SP3: variants seen among roughly 807,000 people sequenced by gnomAD.
SP3 encodes transcription factor Sp3.
In SP3, 10 loss-of-function variants were observed where a neutral mutation model predicts 70.3. That is an observed-to-expected ratio of 0.14 (90% confidence interval 0.09 to 0.24). The LOEUF (loss-of-function observed/expected upper bound fraction) is 0.24. SP3 is among the 10% of genes least tolerant of loss of function. The pLI is 1.00. For missense variants in SP3, 825 were observed against 914.6 expected, an observed-to-expected ratio of 0.90 and a Z score of 1.26; for synonymous variants, 402 against 333.5, an observed-to-expected ratio of 1.21 and a Z score of -2.24.
chr2:173,939,548 G>A (rs1222824846), intron 4 of SP3, among the ~76,000 whole-genome samples: 1 of 152,106 alleles, frequency 6.6e-6, no homozygotes, highest in African/African-American at 2.4e-5. Flanking sequence ...TAGATCACCT[G>A]AGGTCAGGAG....
Position 173,957,639 on chromosome 2 carries a change from A to C in SP3, c.280-1407T>G, listed in dbSNP as rs146061889. Among the ~76,000 whole-genome samples, 123 of 152,258 alleles carry C rather than the reference A, an allele frequency of 8.1e-4. 1 individual carries two copies. Among genetic ancestry groups the C allele is most frequent in the Non-Finnish European group, 1.5e-3 (100 of 67,970 alleles). On this transcript the variant is annotated intron_variant, in intron 3 of 6. Transcript: ENST00000310015. ...GCTTGTAAATGGCTTCACAGATCCC[A>C]CTAAATTGTTTAGACTTTATCCTGT...
intron 6 of SP3, among the ~76,000 whole-genome samples, chr2:173,911,813 CTTTTTTTTT>C (rs11448837): frequency 7.1e-5 from 7 of 98,024 alleles, no homozygotes; most frequent in South Asian, 6.5e-4. Flanking sequence ...TTTTATCTAC[CTTTTTTTTT>C]TTTTTTTTTT....
In SP3 at chr2:173,955,093, G is replaced by T; in HGVS notation, c.1419C>A (p.Asn473Lys). The change falls in exon 4 of 7, where the codon AAC (asparagine) becomes AAA (lysine). Residue 473 changes from asparagine to lysine, a missense_variant. Coordinates refer to ENST00000310015, the MANE Select transcript of SP3 (RefSeq NM_003111.5). Reference sequence around the variant, plus strand: ...TATTCTGTATTTGCAAATTCTGCAAGTTCTGGACCCCTTGTACTTGAAACG... The same window carrying T: ...TATTCTGTATTTGCAAATTCTGCAATTTCTGGACCCCTTGTACTTGAAACG... ...WQTFQVQGVQ[N>K]LQNLQIQNTA... 6.2e-7 allele frequency: 1 copy of T among 1,614,228 alleles called. No homozygotes were observed. Among genetic ancestry groups the T allele is most frequent in the South Asian group, 1.1e-5 (1 of 91,088 alleles).
intron 4 of SP3, among the ~76,000 whole-genome samples, chr2:173,947,747 A>G (rs1457306833): frequency 6.6e-6 from 1 of 152,112 alleles, no homozygotes; most frequent in Non-Finnish European, 1.5e-5. Flanking sequence ...GTCTTCATGT[A>G]TTTTGGAATT....
At position 173,955,344 on chromosome 2, in the gene SP3, T is replaced by C. The variant is rs1455045733; in HGVS notation, c.1168A>G (p.Thr390Ala). Residue 390 changes from threonine to alanine, a missense_variant, in exon 4 of 7, where the codon ACA (threonine) becomes GCA (alanine). Thr to Ala is a moderately conservative substitution (Grantham distance 58, BLOSUM62 0). Transcript: ENST00000310015. ...ETQAQNIQVS[T>A]AQPVVQHLQL... ...AGATGCTGTACAACAGGCTGTGCTG[T>C]AGAAACCTGAATATTCTGTGCCTGT... 8 of 1,614,058 alleles carry C rather than the reference T, an allele frequency of 5.0e-6. No homozygotes were observed. The highest frequency in any genetic ancestry group is 3.3e-5 in the South Asian group (3 of 91,070).
rs1689187759 is a variant in SP3, at chr2:173,901,416, A to G, written c.*8525T>C. Among the ~76,000 whole-genome samples the G allele has an allele frequency of 2.0e-5, 3 of 152,046 alleles. No homozygotes were observed. Among genetic ancestry groups the G allele is most frequent in the Non-Finnish European group, 4.4e-5 (3 of 68,012 alleles). ...AAATATATCTTATATATAAAATAAT[A>G]TGTACCTGGGATTAATTAAGAATGT... On this transcript the variant is annotated 3_prime_UTR_variant, in exon 7 of 7. Coordinates refer to ENST00000310015, the MANE Select transcript of SP3 (RefSeq NM_003111.5).
At chr2:173,935,320 C>G (rs929094223) in intron 4 of SP3, among the ~76,000 whole-genome samples, 1 of 152,164 alleles carries the variant, frequency 6.6e-6, no homozygotes, top group African/African-American at 2.4e-5. Context: ...CAGAGGTTAT[C>G]ACCTCTGCTA....
intron 4 of SP3, among the ~76,000 whole-genome samples, chr2:173,934,401 A>T (rs1366078355): frequency 6.6e-6 from 1 of 152,206 alleles, no homozygotes; most frequent in Non-Finnish European, 1.5e-5. Context: ...TGCTGTTGAA[A>T]CAAGTATAGG....
chr2:173,959,168 G>C (rs1220794961), intron 3 of SP3, among the ~76,000 whole-genome samples: 1 of 152,030 alleles, frequency 6.6e-6, no homozygotes, highest in African/African-American at 2.4e-5. Flanking sequence ...CCAATTTTAA[G>C]CCTATTTATT....
At chr2:173,932,960 C>A (rs569713814) in intron 4 of SP3, among the ~76,000 whole-genome samples, 2 of 152,180 alleles carry the variant, frequency 1.3e-5, no homozygotes, top group African/African-American at 4.8e-5. Flanking sequence ...CCACTGCACT[C>A]CAGGCCTGGG....
chr2:173,941,802 C>T (rs1193663625), intron 4 of SP3, among the ~76,000 whole-genome samples: 1 of 152,196 alleles, frequency 6.6e-6, no homozygotes, highest in African/African-American at 2.4e-5. Flanking sequence ...ACTTAAGTTT[C>T]AGTTCCTGAA....
chr2:173,949,291 T>C (rs1690640793), intron 4 of SP3, among the ~76,000 whole-genome samples: 2 of 151,850 alleles, frequency 1.3e-5, no homozygotes, highest in African/African-American at 2.4e-5. Flanking sequence ...CAAATAAAAA[T>C]GTTTCAGAAG....
chr2:173,908,573 A>G lies in SP3; in HGVS notation c.*1368T>C, dbSNP rs1195971386. ...GTGTTTTATTAACTACCACACTGTT[A>G]TAATACACTTTAAACGTACAATAAG... On this transcript the variant is annotated 3_prime_UTR_variant, in exon 7 of 7. Coordinates refer to ENST00000310015, the MANE Select transcript of SP3 (RefSeq NM_003111.5). 5 of 152,514 alleles carry G rather than the reference A, an allele frequency of 3.3e-5. No individual in the cohort carries two copies. The highest frequency in any genetic ancestry group is 1.2e-4 in the African/African-American group (5 of 41,464). 9.4% of individuals were successfully genotyped at this position (152,514 alleles called of 1,614,324 possible).
At chr2:173,962,477 C>T (rs1396777385) in intron 3 of SP3, among the ~76,000 whole-genome samples, 1 of 152,160 alleles carries the variant, frequency 6.6e-6, no homozygotes, top group African/African-American at 2.4e-5. Flanking sequence ...GAACAGAAGG[C>T]GTACCAATCC....
In SP3 at chr2:173,955,978, T is replaced by C. The variant is rs561776223; in HGVS notation, c.534A>G (p.Ser178=). 1.2e-6 allele frequency: 2 copies of C among 1,614,230 alleles called. No homozygotes were observed. Among genetic ancestry groups the C allele is most frequent in the African/African-American group, 1.3e-5 (1 of 75,074 alleles). ...VQYQVIPQIQ[S]ADGQQVQIGF... The stretch of plus-strand genomic sequence containing the variant: ...CAATTTGAACCTGCTGACCATCTGC[T>C]GACTGGATCTGTGGTATCACTTGAT... The change falls in exon 4 of 7, where the codon TCA becomes TCG. Residue 178 remains serine (S), a synonymous_variant. Transcript: ENST00000310015.
Position 173,964,440 on chromosome 2 carries a change from C to G in SP3, c.121G>C (p.Gly41Arg), listed in dbSNP as rs1196926492. Residue 41 changes from glycine (G) to arginine (R), a missense_variant, in exon 2 of 7, where the codon GGA becomes CGA. Around this residue, in one of 4 missense-constraint regions of SP3, gnomAD observed 678 missense variants for 651.6 expected, o/e 1.04. Transcript: ENST00000310015. ...GEYLQQQQQH[G>R]NGAVAAAAAA... is the part of the protein sequence containing the mutation. ...GCTGCCGCCGCCACCGCACCGTTTC[C>G]GTGCTGTTGCTGCTGCTGCAGATAC... 1.4e-6 allele frequency: 1 copy of G among 736,082 alleles called. No individual in the cohort carries two copies. The highest frequency in any genetic ancestry group is 2.5e-6 in the Non-Finnish European group (1 of 400,210). 45.6% of individuals were successfully genotyped at this position (736,082 alleles called of 1,614,324 possible). A position where few individuals can be genotyped will look rare whatever the true frequency, so the allele number is the denominator to read the frequency against.
chr2:173,933,641 T>C lies in SP3; in HGVS notation c.1640-14856A>G, dbSNP rs1403841980. Among the ~76,000 whole-genome samples the C allele has an allele frequency of 5.4e-5, 6 of 110,874 alleles. No homozygotes were observed. The East Asian group carries it at 1.0e-3, about 19-fold the overall frequency. The allele number at this position is 110,874 out of a possible 152,430, so 72.7% of individuals were successfully genotyped here. On this transcript the variant is annotated intron_variant, in intron 4 of 6. Coordinates refer to ENST00000310015, the MANE Select transcript of SP3 (RefSeq NM_003111.5). ...AATGACTAACATTTATAAAACTTTA[T>C]ATATATATATATATATATATATATA... is the stretch of plus-strand genomic sequence containing the variant.
At chr2:173,933,667 T>TATATATATATATATATAA (rs1559098578) in intron 4 of SP3, among the ~76,000 whole-genome samples, 1 of 142,162 alleles carries the variant, frequency 7.0e-6, no homozygotes, top group African/African-American at 2.6e-5. Flanking sequence ...TATATATATA[T>TATATATATATATATATAA]ATATAAAAGT....
chr2:173,942,801 C>T (rs1212535836), intron 4 of SP3, among the ~76,000 whole-genome samples: 3 of 152,138 alleles, frequency 2.0e-5, no homozygotes, highest in South Asian at 2.1e-4. Context: ...TTTGCTTGTA[C>T]AGTCAGCCCT....
Sources: gnomAD v4.1 joint callset for allele counts (sites outside exome capture counted in the v4.1 genomes callset) on GRCh38, gnomAD v4.1.1 for gene constraint, gnomAD v4.1.1 regional missense constraint, MANE v1.5 for transcripts, NCBI Gene and HGNC (gene_info 2026-07-23, HGNC 2026-07-21) for gene names.